The following CSGALNACT1 variants were observed in gnomAD, a reference collection of about 807,000 sequenced individuals.
CSGALNACT1 encodes chondroitin sulfate N-acetylgalactosaminyltransferase 1.
A neutral mutation model predicts 51.0 loss-of-function variants in CSGALNACT1; 52 were observed. That is an observed-to-expected ratio of 1.02 (90% CI 0.82 to 1.29). The LOEUF (loss-of-function observed/expected upper bound fraction) is 1.29, where lower values mean the gene tolerates loss of function less well. Ranked by LOEUF, CSGALNACT1 falls within the 50% of genes most tolerant of loss-of-function variation. The pLI is 0.00. For missense variants in CSGALNACT1, 935 were observed against 679.2 expected (o/e 1.38, Z -4.19); for synonymous variants, 341 against 254.4 (o/e 1.34, Z -3.24).
intron 1 of CSGALNACT1, among the ~76,000 whole-genome samples, chr8:19,640,889 T>G (rs985661762): frequency 2.0e-5 from 3 of 152,074 alleles, no homozygotes; most frequent in Non-Finnish European, 4.4e-5. Context: ...TTGTTTTTTT[T>G]TTCCTTTCAG....
intron 6 of CSGALNACT1, among the ~76,000 whole-genome samples, chr8:19,421,604 T>C (rs2057948689): frequency 6.6e-6 from 1 of 152,210 alleles, no homozygotes; most frequent in Non-Finnish European, 1.5e-5. Flanking sequence ...TACTGTTTCT[T>C]TCCAAAAGGT....
At chr8:19,645,751 G>A (rs911069630) in intron 1 of CSGALNACT1, among the ~76,000 whole-genome samples, 1 of 152,184 alleles carries the variant, frequency 6.6e-6, no homozygotes, top group Non-Finnish European at 1.5e-5. Context: ...AGAAGTGGCT[G>A]GAACAGGTAG....
intron 3 of CSGALNACT1, among the ~76,000 whole-genome samples, chr8:19,519,555 A>G (rs1298309706): frequency 1.3e-5 from 2 of 152,156 alleles, no homozygotes; most frequent in Non-Finnish European, 2.9e-5. Flanking sequence ...ATAGGACAAA[A>G]CATCACCTCT....
chr8:19,516,630 C>G (rs1327998541), intron 3 of CSGALNACT1, among the ~76,000 whole-genome samples: 2 of 152,236 alleles, frequency 1.3e-5, no homozygotes, highest in African/African-American at 4.8e-5. Flanking sequence ...GAGCCTTGCT[C>G]TGTCCCTGCA....
intron 1 of CSGALNACT1, among the ~76,000 whole-genome samples, chr8:19,676,832 C>G (rs890681214): frequency 3.0e-4 from 45 of 152,224 alleles, no homozygotes; most frequent in African/African-American, 1.0e-3. Context: ...AGGCTCGGTA[C>G]TGGAACCAAA....
chr8:19,682,943 G>A (rs73599295), upstream of CSGALNACT1: 30,496 of 311,862 alleles, frequency 0.098, 1,730 homozygotes, highest in Non-Finnish European at 0.12. Flanking sequence ...CTTATCCATC[G>A]CTAGTTCACT....
intron 5 of CSGALNACT1, among the ~76,000 whole-genome samples, chr8:19,453,943 G>C (rs1456450249): frequency 7.0e-6 from 1 of 143,076 alleles, no homozygotes; most frequent in Admixed American, 6.9e-5. Context: ...GGGAGGGAGG[G>C]AGGAAACAAT....
intron 1 of CSGALNACT1, among the ~76,000 whole-genome samples, chr8:19,669,320 G>C (rs984736154): frequency 5.9e-5 from 9 of 152,136 alleles, no homozygotes; most frequent in South Asian, 4.1e-4. Flanking sequence ...TTATTAATAT[G>C]TACCCTTGCT....
intron 9 of CSGALNACT1, among the ~76,000 whole-genome samples, chr8:19,407,633 T>G (rs2054516781): frequency 1.3e-5 from 2 of 152,118 alleles, no homozygotes; most frequent in Admixed American, 1.3e-4. Context: ...CCTGGGAGGA[T>G]CTCTTTCCCT....
In CSGALNACT1 at chr8:19,636,251, A is replaced by G. The variant is rs28463895; in HGVS notation, c.-543-34386T>C. 5.5e-3 allele frequency among the ~76,000 whole-genome samples: 841 copies of G among 152,316 alleles called. 6 individuals carry two copies. The highest frequency in any genetic ancestry group is 0.019 in the African/African-American group (805 of 41,566). ...TTTATTACAGTATATTGTTATAACT[A>G]TTCCATTTTATTATTGGTTATTGTT... On this transcript the variant is annotated intron_variant, in intron 1 of 9. Transcript: ENST00000332246.
At position 19,565,435 on chromosome 8, in the gene CSGALNACT1, C is replaced by T. The variant is rs182095973; in HGVS notation, c.-297+25725G>A. Among the ~76,000 whole-genome samples, 145 of 152,306 alleles carry T rather than the reference C, an allele frequency of 9.5e-4. 1 individual carries two copies. The highest frequency in any genetic ancestry group is 1.7e-3 in the Non-Finnish European group (113 of 68,012). ...ATCATGTAATTTTTAAAAATTAAAT[C>T]TCTTGACCTATATTTATGACATTCA... On this transcript the variant is annotated intron_variant, in intron 3 of 9. Coordinates refer to ENST00000454498, the Ensembl canonical transcript of CSGALNACT1.
At chr8:19,457,783 T>A (rs1261631257) in intron 5 of CSGALNACT1, 1 of 1,351,498 alleles carries the variant, frequency 7.4e-7, no homozygotes, top group Non-Finnish European at 9.8e-7. Context: ...ATCAAGGGCT[T>A]AAAGGCACAC....
At chr8:19,409,164 T>G (rs1316885416) in intron 8 of CSGALNACT1, among the ~76,000 whole-genome samples, 1 of 152,146 alleles carries the variant, frequency 6.6e-6, no homozygotes, top group African/African-American at 2.4e-5. Context: ...AGAATTCAGC[T>G]GCCCTGGCAC....
chr8:19,637,895 T>C (rs1589194909), intron 1 of CSGALNACT1, among the ~76,000 whole-genome samples: 1 of 152,102 alleles, frequency 6.6e-6, no homozygotes, highest in African/African-American at 2.4e-5. Context: ...GCGCTGATAT[T>C]AGTTGAGGTT....
intron 1 of CSGALNACT1, among the ~76,000 whole-genome samples, chr8:19,671,282 T>A (rs17128814): frequency 6.6e-6 from 1 of 152,198 alleles, no homozygotes; most frequent in African/African-American, 2.4e-5. Context: ...TGCCTGCAAC[T>A]GGAAGGCTTT....
intron 3 of CSGALNACT1, among the ~76,000 whole-genome samples, chr8:19,559,515 T>C (rs1446935401): frequency 4.6e-5 from 7 of 152,050 alleles, no homozygotes; most frequent in Admixed American, 6.5e-5. Context: ...GGTACAAGGA[T>C]TGGAAAGGAA....
intron 1 of CSGALNACT1, among the ~76,000 whole-genome samples, chr8:19,726,769 C>T (rs1463376714): frequency 6.6e-6 from 1 of 152,110 alleles, no homozygotes; most frequent in Admixed American, 6.6e-5. Flanking sequence ...CAGAAATTTC[C>T]TCTGGATAGC....
chr8:19,661,047 G>A (rs1453534171), intron 1 of CSGALNACT1, among the ~76,000 whole-genome samples: 2 of 151,908 alleles, frequency 1.3e-5, no homozygotes, highest in African/African-American at 4.8e-5. Flanking sequence ...CAAGTAGCTG[G>A]GTCTACAGGT....
intron 6 of CSGALNACT1, among the ~76,000 whole-genome samples, chr8:19,426,627 A>G (rs1276651307): frequency 3.9e-5 from 6 of 152,188 alleles, no homozygotes; most frequent in Non-Finnish European, 8.8e-5. Context: ...GAATTGTATT[A>G]TCAACTGACA....
Sources: gnomAD v4.1 joint callset for allele counts (sites outside exome capture counted in the v4.1 genomes callset) on GRCh38, gnomAD v4.1.1 for gene constraint, MANE v1.5 for transcripts, NCBI Gene and HGNC (gene_info 2026-07-23, HGNC 2026-07-21) for gene names.